Variants in LMLN observed in about 807,000 individuals in gnomAD.
LMLN encodes the protein leishmanolysin-like peptidase.
LMLN carries 70 observed loss-of-function variants against 92.3 expected under a neutral mutation model. The observed-to-expected ratio is 0.76, with a 90% CI of 0.63 to 0.92. The LOEUF (loss-of-function observed/expected upper bound fraction) is 0.92, where lower values mean the gene tolerates loss of function less well. LMLN is among the 40% of genes least tolerant of loss of function. LMLN has a pLI of 0.00. For synonymous variants in LMLN, 308 were observed against 296.2 expected (o/e 1.04, Z -0.41); for missense variants, 691 against 814.6 (o/e 0.85, Z 1.85).
At chr3:198,036,374 CA>C (rs1458145517) in intron 15 of LMLN, among the ~76,000 whole-genome samples, 1 of 151,928 alleles carries the variant, frequency 6.6e-6, no homozygotes, top group Non-Finnish European at 1.5e-5. Context: ...TCATTAAATA[CA>C]AAAAGTAATT....
intron 13 of LMLN, 52 bp from the exon 15 acceptor site, chr3:198,024,606 G>A (rs1400283657): frequency 1.4e-6 from 2 of 1,472,388 alleles, no homozygotes; most frequent in African/African-American, 1.4e-5. Context: ...TCAGTTTCTT[G>A]TTCTTTGAGC....
intron 1 of LMLN, among the ~76,000 whole-genome samples, chr3:197,971,421 A>G (rs2109850264): frequency 6.6e-6 from 1 of 152,364 alleles, no homozygotes; most frequent in Non-Finnish European, 1.5e-5. Flanking sequence ...CACCCCCATG[A>G]TCCAGTCACC....
Position 198,017,341 on chromosome 3 carries a change from TTCG to T in LMLN, c.1233-1909_1233-1907del, listed in dbSNP as rs548095055. Among the ~76,000 whole-genome samples the T allele has an allele frequency of 1.8e-3, 267 of 152,338 alleles. 2 individuals are homozygous for T. The highest frequency in any genetic ancestry group is 6.1e-3 in the African/African-American group (252 of 41,578). ...TGGCTGTTCTCAAGCACTTCTGGGC[TTCG>T]TCATTTGTGACTCTTCTCCATTGTT... On this transcript the variant is annotated intron_variant, in intron 11 of 15. Coordinates refer to ENST00000330198, the Ensembl canonical transcript of LMLN.
chr3:198,019,565 A>G lies in LMLN; in HGVS notation c.1365+180A>G, dbSNP rs1722726446. ...TAAAACTAATGTCCTAATTGATAGC[A>G]CTTAGTTAAAATCTAGCAGTGTCTT... is the stretch of plus-strand genomic sequence containing the variant. On this transcript the variant is annotated intron_variant, in intron 12 of 15. Coordinates refer to ENST00000330198, the Ensembl canonical transcript of LMLN. This position sits in a 1 kb window ranked among gnomAD's most constrained non-coding sequence, Gnocchi z 5.5. Among the ~76,000 whole-genome samples, 1 of 152,234 alleles carries G rather than the reference A, an allele frequency of 6.6e-6. No individual in the cohort carries two copies. Among genetic ancestry groups the G allele is most frequent in the Non-Finnish European group, 1.5e-5 (1 of 68,044 alleles).
rs546678893 is a variant in LMLN, at chr3:198,037,634, G to C, written c.1868-933G>C. ...AGCCTGGGCAATAGAATGAGACTCT[G>C]TCTCAAAATAAATAAATAAAAGCTC... On this transcript the variant is annotated intron_variant, in intron 15 of 15. Transcript: ENST00000330198. 2.6e-5 allele frequency among the ~76,000 whole-genome samples: 4 copies of C among 152,284 alleles called. No homozygotes were observed. In the South Asian group the frequency reaches 6.2e-4, roughly 24 times the overall value.
chr3:197,975,967 T>A lies in LMLN; in HGVS notation c.349-62T>A, dbSNP rs1377023725. 4 of 1,040,384 alleles carry A rather than the reference T, an allele frequency of 3.8e-6. No individual in the cohort carries two copies. In the African/African-American group the frequency reaches 6.6e-5, roughly 17 times the overall value. 64.4% of individuals were successfully genotyped at this position (1,040,384 alleles called of 1,614,324 possible). A position where few individuals can be genotyped will look rare whatever the true frequency, so the allele number is the denominator to read the frequency against. ...TCATTACTATCCTGTGTTTGCTTCT[T>A]TTAAATATAATTTATCTCTTCCTTA... On this transcript the variant is annotated intron_variant, in intron 3 of 15. Coordinates refer to ENST00000330198, the Ensembl canonical transcript of LMLN.
chr3:197,980,783 G>A (rs891656921), intron 6 of LMLN: 17 of 288,200 alleles, frequency 5.9e-5, no homozygotes, highest in South Asian at 2.3e-4. Context: ...TGATCCTATC[G>A]TTTTTGCCTA....
intron 14 of LMLN, among the ~76,000 whole-genome samples, chr3:198,034,845 G>A (rs1407554142): frequency 6.6e-6 from 1 of 152,122 alleles, no homozygotes; most frequent in African/African-American, 2.4e-5. Context: ...TTTCTATGCT[G>A]TATAAATTCT....
intron 14 of LMLN, among the ~76,000 whole-genome samples, chr3:198,028,244 G>A (rs147751967): frequency 9.5e-4 from 144 of 152,118 alleles, no homozygotes; most frequent in African/African-American, 3.2e-3. Flanking sequence ...TCACATTAGG[G>A]TTCACTCTGG....
chr3:197,981,806 C>CTT lies in LMLN; in HGVS notation c.728+1316_728+1317dup, dbSNP rs560078859. On this transcript the variant is annotated intron_variant, in intron 6 of 15. Coordinates refer to ENST00000330198, the Ensembl canonical transcript of LMLN. Reference sequence around the variant, plus strand: ...CTGACTTCAAAGGGAGTCAGCTAGTCTTTTTTTTTTTTTTTGGAGACATAG... The same window carrying CTT: ...CTGACTTCAAAGGGAGTCAGCTAGTCTTTTTTTTTTTTTTTTTGGAGACATAG... Among the ~76,000 whole-genome samples the CTT allele has an allele frequency of 3.0e-3, 422 of 140,780 alleles. 2 individuals are homozygous for CTT. The highest frequency in any genetic ancestry group is 9.9e-3 in the African/African-American group (378 of 38,214). The allele number at this position is 140,780 out of a possible 152,430, so 92.4% of individuals were successfully genotyped here.
chr3:197,979,141 C>T (rs1266825941), intron 5 of LMLN, among the ~76,000 whole-genome samples: 1 of 152,184 alleles, frequency 6.6e-6, no homozygotes, highest in Non-Finnish European at 1.5e-5. Flanking sequence ...CTCCTCAGCT[C>T]CCACTCCCTA....
intron 9 of LMLN, among the ~76,000 whole-genome samples, chr3:197,992,612 T>C (rs1721906172): frequency 6.6e-6 from 1 of 152,162 alleles, no homozygotes; most frequent in African/African-American, 2.4e-5. Context: ...CTGAACAGGT[T>C]AATAACGAGT....
intron 14 of LMLN, among the ~76,000 whole-genome samples, chr3:198,028,539 C>T (rs1004462222): frequency 1.3e-5 from 2 of 152,158 alleles, no homozygotes; most frequent in African/African-American, 2.4e-5. Context: ...GACCTTTAAG[C>T]GTGTGTTTTC....
intron 1 of LMLN, among the ~76,000 whole-genome samples, chr3:197,965,071 G>GTGATA (rs1353473922): frequency 3.3e-5 from 5 of 151,638 alleles, no homozygotes; most frequent in Non-Finnish European, 7.4e-5. Flanking sequence ...CTGGAGTGCA[G>GTGATA]TGATATGATC....
At chr3:198,024,696 C>A (rs936542069) in exon 14 of LMLN, 3 of 1,610,492 alleles carry the variant, frequency 1.9e-6, no homozygotes, top group Non-Finnish European at 2.5e-6. Context: ...GTATGGACCT[C>A]ATTCCGTTTG....
At chr3:197,985,920 C>A in intron 8 of LMLN, 30 bp downstream of exon 8, 1 of 1,344,944 alleles carries the variant, frequency 7.4e-7, no homozygotes, top group Non-Finnish European at 1.1e-6. Context: ...TCTTGTTCTC[C>A]TCTTTTAGGA....
exon 16 of LMLN, chr3:198,038,631 T>C (rs1489177677): frequency 6.2e-7 from 1 of 1,614,076 alleles, no homozygotes; most frequent in African/African-American, 1.3e-5. Context: ...ATCTGTTTCC[T>C]CTGCTGGCTG....
intron 14 of LMLN, among the ~76,000 whole-genome samples, chr3:198,034,887 C>T (rs1461792671): frequency 6.6e-6 from 1 of 152,040 alleles, no homozygotes; most frequent in African/African-American, 2.4e-5. Flanking sequence ...TTTATAATTT[C>T]AAACCCCAAT....
rs577622476 is a variant in LMLN, at chr3:198,014,088, C to G, written c.1233-5165C>G. 3.0e-4 allele frequency among the ~76,000 whole-genome samples: 44 copies of G among 147,162 alleles called. 1 individual carries two copies. The East Asian group carries it at 8.9e-3, about 30-fold the overall frequency. ...GAGCCTCCTAACTAGTCTGACTTCT[C>G]TGTACCCTTCAGAGTCCCCTAACTA... On this transcript the variant is annotated intron_variant, in intron 11 of 15. Transcript: ENST00000330198.
Sources: allele counts gnomAD v4.1 joint callset (sites outside exome capture counted in the v4.1 genomes callset), GRCh38; gene constraint gnomAD v4.1.1; non-coding constraint Gnocchi (gnomAD v3.1); transcripts MANE v1.5; gene names NCBI Gene and HGNC (gene_info 2026-07-23, HGNC 2026-07-21).